Variants in LIFR observed in about 807,000 individuals in gnomAD.
LIFR encodes the protein leukemia inhibitory factor receptor.
A neutral mutation model predicts 122.2 loss-of-function variants in LIFR; 84 were observed. That is an observed-to-expected ratio of 0.69 (90% CI 0.58 to 0.82). The LOEUF is 0.82. Among genes scored for constraint, LIFR ranks in the 40% least tolerant of loss-of-function variants. LIFR has a pLI of 0.00. For synonymous variants in LIFR, 422 were observed against 434.7 expected (o/e 0.97, Z 0.36); for missense variants, 1,294 against 1,311.6 (o/e 0.99, Z 0.21).
At chr5:38,596,357 G>C (rs1471952973), upstream of LIFR, among the ~76,000 whole-genome samples, 1 of 152,114 alleles carries the variant, frequency 6.6e-6, no homozygotes, top group East Asian at 1.9e-4. Context: ...TGTGTACACC[G>C]AAGTTTGAAG....
chr5:38,504,415 C>CAAAAAAAAAAAAAAAAAAAAAAAAGAAA (rs71604899), intron 9 of LIFR, among the ~76,000 whole-genome samples: 1 of 120,484 alleles, frequency 8.3e-6, no homozygotes, highest in Non-Finnish European at 1.7e-5. Context: ...AGGGAATGAC[C>CAAAAAAAAAAAAAAAAAAAAAAAAGAAA]AAAAAAAAAA....
chr5:38,555,975 A>G (rs955533172), intron 1 of LIFR, among the ~76,000 whole-genome samples: 3 of 152,204 alleles, frequency 2.0e-5, no homozygotes, highest in African/African-American at 7.2e-5. Context: ...GACGAGGAAC[A>G]GGTTTAAAGG....
intron 1 of LIFR, among the ~76,000 whole-genome samples, chr5:38,570,069 A>G (rs1749159688): frequency 6.6e-6 from 1 of 152,180 alleles, no homozygotes; most frequent in African/African-American, 2.4e-5. Flanking sequence ...CTGGACCCAT[A>G]CTATCTTGAT....
At chr5:38,484,140 T>C (rs1474586859) in intron 18 of LIFR, among the ~76,000 whole-genome samples, 3 of 152,350 alleles carry the variant, frequency 2.0e-5, no homozygotes, top group Non-Finnish European at 2.9e-5. Context: ...TTTGGAACTG[T>C]ACCGCAGACC....
At chr5:38,496,120 T>C (rs1301140196) in intron 13 of LIFR, among the ~76,000 whole-genome samples, 1 of 152,156 alleles carries the variant, frequency 6.6e-6, no homozygotes, top group Non-Finnish European at 1.5e-5. Context: ...AAAAGTACTA[T>C]CCACCACTGT....
intron 7 of LIFR, among the ~76,000 whole-genome samples, chr5:38,507,394 T>C (rs1191979669): frequency 2.6e-5 from 4 of 151,786 alleles, no homozygotes. Flanking sequence ...TGAAACCCCG[T>C]CTCCACTAAA....
At chr5:38,509,100 T>G (rs1745654632) in intron 7 of LIFR, among the ~76,000 whole-genome samples, 3 of 152,212 alleles carry the variant, frequency 2.0e-5, no homozygotes, top group Admixed American at 2.0e-4. Context: ...ATAAATTAGC[T>G]TGTTCTATTA....
chr5:38,496,117 C>T (rs1744862207), intron 13 of LIFR, among the ~76,000 whole-genome samples: 1 of 152,110 alleles, frequency 6.6e-6, no homozygotes, highest in Non-Finnish European at 1.5e-5. Flanking sequence ...CCTAAAAGTA[C>T]TATCCACCAC....
Position 38,490,217 on chromosome 5 carries a change from A to G in LIFR, c.2140T>C (p.Ser714Pro). The change falls in exon 15 of 20, where the codon TCC (serine) becomes CCC (proline). Residue 714 changes from serine (S) to proline (P), a missense_variant. Ser to Pro is a moderately conservative substitution (Grantham distance 74). Coordinates refer to ENST00000453190, the MANE Select transcript of LIFR (RefSeq NM_001127671.2). ...CRNQGYQLLR[S>P]MIGYIEELAP... Reference sequence around the variant, plus strand: ...AATTCTTCTATATATCCAATCATGGAGCGTAATAATTGATATCCTTGATTT... The same window carrying G: ...AATTCTTCTATATATCCAATCATGGGGCGTAATAATTGATATCCTTGATTT... 6 of 1,567,416 alleles carry G rather than the reference A, an allele frequency of 3.8e-6. No individual in the cohort carries two copies. Among genetic ancestry groups the G allele is most frequent in the Non-Finnish European group, 5.3e-6 (6 of 1,140,870 alleles).
rs1331269703 is a variant in LIFR, at chr5:38,523,523, A to C, written c.457T>G (p.Leu153Val). ...NLSADFSTST[L>V]YLKWNDRGSV... ...CCCCTGTCGTTCCACTTTAGGTATA[A>C]TGTAGAGGTTGAGAAATCAGCAGAC... is the stretch of plus-strand genomic sequence containing the variant. The change falls in exon 5 of 20, where the codon TTA becomes GTA. Residue 153 changes from leucine (L) to valine (V), a missense_variant. Transcript: ENST00000453190. The C allele has an allele frequency of 5.0e-6, 8 of 1,613,148 alleles. No homozygotes were observed. Among genetic ancestry groups the C allele is most frequent in the Non-Finnish European group, 6.8e-6 (8 of 1,179,300 alleles).
At chr5:38,543,235 G>A (rs1319385115) in intron 1 of LIFR, among the ~76,000 whole-genome samples, 1 of 151,846 alleles carries the variant, frequency 6.6e-6, no homozygotes. Context: ...CTGTAGTTGT[G>A]TAAAGCCACA....
intron 1 of LIFR, among the ~76,000 whole-genome samples, chr5:38,532,977 G>C (rs760727557): frequency 3.3e-5 from 5 of 152,166 alleles, no homozygotes; most frequent in Non-Finnish European, 4.4e-5. Flanking sequence ...AAATATGCAG[G>C]GGCAAAGCAA....
intron 1 of LIFR, among the ~76,000 whole-genome samples, chr5:38,531,518 G>T (rs1747007563): frequency 6.6e-6 from 1 of 151,870 alleles, no homozygotes; most frequent in African/African-American, 2.4e-5. Context: ...ACTCTAAATA[G>T]TGTCCTCTGA....
chr5:38,591,520 G>A (rs1478945132), intron 1 of LIFR, among the ~76,000 whole-genome samples: 4 of 152,152 alleles, frequency 2.6e-5, no homozygotes, highest in African/African-American at 9.7e-5. Flanking sequence ...CATCTGTTTT[G>A]TAGAATGTAG....
In LIFR at chr5:38,523,612, T is replaced by A. The variant is rs750036907; in HGVS notation, c.398-30A>T. On this transcript the variant is annotated intron_variant, in intron 4 of 19. Coordinates refer to ENST00000453190, the MANE Select transcript of LIFR (RefSeq NM_001127671.2). ...AAAAAGAGGAAACAAAAGAGAAAAC[T>A]TAGTAAAATAAGTAATGATTTTTCA... is the stretch of plus-strand genomic sequence containing the variant. 1.9e-6 allele frequency: 3 copies of A among 1,562,070 alleles called. No homozygotes were observed. The African/African-American group carries it at 4.1e-5, about 21-fold the overall frequency.
In LIFR at chr5:38,508,133, A is replaced by C. The variant is rs1745596713; in HGVS notation, c.992-1501T>G. 2.0e-5 allele frequency among the ~76,000 whole-genome samples: 3 copies of C among 152,304 alleles called. No individual in the cohort carries two copies. In the South Asian group the frequency reaches 6.2e-4, roughly 32 times the overall value. ...AGAGATAAATAGAAGGACAGACAGA[A>C]GGGGAAAAATTTGAGAGGACAGTAT... is the stretch of plus-strand genomic sequence containing the variant. On this transcript the variant is annotated intron_variant, in intron 7 of 19. Transcript: ENST00000453190.
rs1387077952 is a variant in LIFR, at chr5:38,475,198, C to T, written c.*6397G>A. On this transcript the variant is annotated 3_prime_UTR_variant, in exon 20 of 20. Transcript: ENST00000453190. Reference sequence around the variant, plus strand: ...AAATTATACAATGATATAAAGTGTCCAAATTTCCCATTCTAACAGCAATTT... The same window carrying T: ...AAATTATACAATGATATAAAGTGTCTAAATTTCCCATTCTAACAGCAATTT... The T allele has an allele frequency of 5.4e-6, 1 of 186,362 alleles. No homozygotes were observed. The highest frequency in any genetic ancestry group is 2.3e-5 in the African/African-American group (1 of 42,718). 11.5% of individuals were successfully genotyped at this position (186,362 alleles called of 1,614,324 possible).
intron 1 of LIFR, among the ~76,000 whole-genome samples, chr5:38,543,006 A>C (rs1002206176): frequency 1.3e-5 from 2 of 152,164 alleles, no homozygotes; most frequent in Non-Finnish European, 2.9e-5. Flanking sequence ...CAAATATGAC[A>C]AGTGTCACTA....
In LIFR at chr5:38,506,745, A is replaced by G. The variant is rs113629145; in HGVS notation, c.992-113T>C. On this transcript the variant is annotated intron_variant, in intron 7 of 19. Transcript: ENST00000453190. ...TTCCTAAAAAATGAAATAATTTACT[A>G]TTTACATTTTACTTTTGAATAATGC... is the stretch of plus-strand genomic sequence containing the variant. 9.8e-5 allele frequency: 88 copies of G among 901,184 alleles called. No homozygotes were observed. In the African/African-American group the frequency reaches 1.4e-3, roughly 14 times the overall value. 55.8% of individuals were successfully genotyped at this position (901,184 alleles called of 1,614,324 possible).
Sources: gnomAD v4.1 joint callset for allele counts (sites outside exome capture counted in the v4.1 genomes callset) on GRCh38, gnomAD v4.1.1 for gene constraint, MANE v1.5 for transcripts, NCBI Gene and HGNC (gene_info 2026-07-23, HGNC 2026-07-21) for gene names.